The following FRMPD4 variants were observed in gnomAD, a reference collection of about 807,000 sequenced individuals.
FRMPD4 encodes FERM and PDZ domain-containing protein 4.
A neutral mutation model predicts 94.1 loss-of-function variants in FRMPD4; 22 were observed. The ratio of observed to expected loss-of-function variants is 0.23; its 90% CI spans 0.17 to 0.33. The LOEUF is 0.33. Ranked by LOEUF, FRMPD4 falls within the 10% of genes least tolerant of loss-of-function variation. The pLI is 1.00. For synonymous variants in FRMPD4, 631 were observed against 548.6 expected (o/e 1.15, Z -2.10); for missense variants, 1,111 against 1,339.9 (o/e 0.83, Z 2.67).
intron 1 of FRMPD4, among the ~76,000 whole-genome samples, chrX:12,451,982 GACAT>G (rs1569281502): frequency 9.1e-6 from 1 of 109,430 alleles, no homozygotes. Flanking sequence ...TATACTATGA[GACAT>G]TATATGGACT....
intron 3 of FRMPD4, among the ~76,000 whole-genome samples, chrX:12,047,930 T>C (rs768257852): frequency 1.8e-5 from 2 of 113,050 alleles, no homozygotes; most frequent in South Asian, 7.2e-4. Context: ...TTCTATGTCT[T>C]TGCTATTGTT....
chrX:12,329,267 A>T (rs1456244659), intron 1 of FRMPD4, among the ~76,000 whole-genome samples: 1 of 111,720 alleles, frequency 9.0e-6, no homozygotes, highest in Non-Finnish European at 1.9e-5. Context: ...GCAGCCAAAC[A>T]AGGTAGGTCA....
At chrX:11,869,201 C>T (rs1269719238) in intron 2 of FRMPD4, among the ~76,000 whole-genome samples, 2 of 112,109 alleles carry the variant, frequency 1.8e-5, no homozygotes, top group Non-Finnish European at 3.8e-5. Flanking sequence ...ATTAAATGGA[C>T]ATAAAGGTTT....
At chrX:12,543,675 G>A (rs1372701372) in intron 2 of FRMPD4, among the ~76,000 whole-genome samples, 1 of 111,998 alleles carries the variant, frequency 8.9e-6, no homozygotes, top group Non-Finnish European at 1.9e-5. Flanking sequence ...GGAAGACAGT[G>A]TGGCAATTCC....
chrX:11,933,519 A>C (rs1355126070), intron 3 of FRMPD4, among the ~76,000 whole-genome samples: 4 of 112,662 alleles, frequency 3.6e-5, no homozygotes, highest in Non-Finnish European at 7.5e-5. Context: ...TAGAATATCA[A>C]ATGTGTTATT....
At chrX:12,264,025 T>C (rs946531360) in intron 1 of FRMPD4, among the ~76,000 whole-genome samples, 5 of 111,127 alleles carry the variant, frequency 4.5e-5, no homozygotes, top group African/African-American at 1.6e-4. Flanking sequence ...CACTGTTGCA[T>C]TGGGGATTAA....
chrX:12,640,296 C>CAA (rs1157854116), intron 4 of FRMPD4, among the ~76,000 whole-genome samples: 2,098 of 23,675 alleles, frequency 0.089, 352 homozygotes, highest in African/African-American at 0.12. Flanking sequence ...GAGGCTGTCT[C>CAA]AAAAAAAAAA....
rs374755204 is a variant in FRMPD4, at chrX:11,953,428, G to A, written c.95+75410G>A. ...GGCATTTTCTGACAATGGAATTTAG[G>A]AGTCTAAGATTCCTAACCATGGTAC... On this transcript the variant is annotated intron_variant, in intron 3 of 18. Transcript: ENST00000640291. Among the ~76,000 whole-genome samples the A allele has an allele frequency of 3.4e-4, 38 of 111,222 alleles. 1 individual carries two copies. Among genetic ancestry groups the A allele is most frequent in the East Asian group, 2.0e-3 (7 of 3,538 alleles).
At chrX:12,556,246 G>A (rs1217061683) in intron 2 of FRMPD4, among the ~76,000 whole-genome samples, 2 of 110,849 alleles carry the variant, frequency 1.8e-5, no homozygotes, top group East Asian at 5.6e-4. Flanking sequence ...CATGGCAAAG[G>A]TGGAAAAATT....
chrX:11,900,473 G>C (rs188148896), intron 3 of FRMPD4, among the ~76,000 whole-genome samples: 3 of 111,969 alleles, frequency 2.7e-5, no homozygotes, highest in African/African-American at 9.8e-5. Flanking sequence ...GCACTGGCAA[G>C]GGGTCGTCCC....
In FRMPD4 at chrX:12,456,467, T is replaced by G. The variant is rs187257145; in HGVS notation, c.42-42213T>G. Among the ~76,000 whole-genome samples, 15 of 111,864 alleles carry G rather than the reference T, an allele frequency of 1.3e-4. No individual in the cohort carries two copies. The East Asian group carries it at 3.6e-3, about 27-fold the overall frequency. On this transcript the variant is annotated intron_variant, in intron 1 of 16. Coordinates refer to ENST00000675598, the MANE Select transcript of FRMPD4 (RefSeq NM_001368397.1). Reference sequence around the variant, plus strand: ...ATTAGATTGCTTTTATTTTAGCCAGTTTATCAGCATATCACTGCTTGCCCC... The same window carrying G: ...ATTAGATTGCTTTTATTTTAGCCAGGTTATCAGCATATCACTGCTTGCCCC...
At chrX:12,078,077 G>T (rs1460087829) in intron 3 of FRMPD4, among the ~76,000 whole-genome samples, 1 of 111,341 alleles carries the variant, frequency 9.0e-6, no homozygotes, top group African/African-American at 3.3e-5. Context: ...CCCTCAGGCC[G>T]TTGGGAGAAG....
intron 1 of FRMPD4, among the ~76,000 whole-genome samples, chrX:11,838,830 G>A (rs1341038070): frequency 1.8e-5 from 2 of 111,370 alleles, no homozygotes; most frequent in Admixed American, 9.6e-5. Flanking sequence ...TCTTTTTCTT[G>A]CTGAATAATA....
chrX:12,328,339 C>T (rs2055320082), intron 1 of FRMPD4, among the ~76,000 whole-genome samples: 1 of 111,573 alleles, frequency 9.0e-6, no homozygotes, highest in Non-Finnish European at 1.9e-5. Flanking sequence ...ATTGTGCAGC[C>T]CTCATGAGAT....
intron 1 of FRMPD4, among the ~76,000 whole-genome samples, chrX:12,270,555 T>C (rs2054340184): frequency 8.9e-6 from 1 of 111,898 alleles, no homozygotes; most frequent in Non-Finnish European, 1.9e-5. Context: ...GTTTTACTCT[T>C]CAATTTCAGA....
At chrX:12,308,357 T>C in intron 1 of FRMPD4, among the ~76,000 whole-genome samples, 1 of 112,056 alleles carries the variant, frequency 8.9e-6, no homozygotes, top group South Asian at 3.8e-4. Flanking sequence ...TCAGGGTCAT[T>C]ATGACCAAAG....
chrX:11,918,298 T>C (rs1334075474), intron 3 of FRMPD4, among the ~76,000 whole-genome samples: 2 of 113,140 alleles, frequency 1.8e-5, no homozygotes, highest in Admixed American at 1.9e-4. Context: ...ATTTGATATA[T>C]CTCTGAGATA....
chrX:12,397,107 C>T (rs1026467512), intron 1 of FRMPD4, among the ~76,000 whole-genome samples: 1 of 110,764 alleles, frequency 9.0e-6, no homozygotes, highest in Non-Finnish European at 1.9e-5. Context: ...GATGGATTGT[C>T]TCTTGGTCCT....
Position 12,342,730 on chromosome X carries a change from G to A in FRMPD4, c.42-155950G>A, listed in dbSNP as rs139606473. Among the ~76,000 whole-genome samples, 699 of 112,301 alleles carry A rather than the reference G, an allele frequency of 6.2e-3. 6 individuals are homozygous for A. Among genetic ancestry groups the A allele is most frequent in the African/African-American group, 0.022 (671 of 30,909 alleles). The stretch of plus-strand genomic sequence containing the variant: ...AAGGAGTTAAGGGTCACTTTATAGA[G>A]GGCTGTAAAGACCAAACTGAGAAAA... On this transcript the variant is annotated intron_variant, in intron 1 of 16. Transcript: ENST00000675598.
Sources: gnomAD v4.1 joint callset for allele counts (sites outside exome capture counted in the v4.1 genomes callset) on GRCh38, gnomAD v4.1.1 for gene constraint, MANE v1.5 for transcripts, NCBI Gene and HGNC (gene_info 2026-07-23, HGNC 2026-07-21) for gene names.